The following ERC2 variants were observed in gnomAD, a reference collection of about 807,000 sequenced individuals.
The protein encoded by ERC2 is ELKS/RAB6-interacting/CAST family member 2.
A neutral mutation model predicts 114.8 loss-of-function variants in ERC2; 42 were observed. The ratio of observed to expected loss-of-function variants is 0.37; its 90% confidence interval spans 0.29 to 0.47. The LOEUF is 0.47. Among genes scored for constraint, ERC2 ranks in the 20% least tolerant of loss-of-function variants. The pLI is 0.99. For synonymous variants in ERC2, 454 were observed against 425.5 expected, an observed-to-expected ratio of 1.07 and a Z score of -0.82; for missense variants, 939 against 1,150.7, an observed-to-expected ratio of 0.82 and a Z score of 2.66.
chr3:56,368,588 C>T (rs970705082), intron 2 of ERC2, among the ~76,000 whole-genome samples: 4 of 152,170 alleles, frequency 2.6e-5, no homozygotes, highest in African/African-American at 9.7e-5. Flanking sequence ...GCAATCCACT[C>T]CCTCAAGGAC....
intron 2 of ERC2, among the ~76,000 whole-genome samples, chr3:56,329,140 T>A (rs1386613072): frequency 2.0e-5 from 3 of 152,164 alleles, no homozygotes; most frequent in Non-Finnish European, 4.4e-5. Context: ...AAAAGCAAAA[T>A]CTTTTGCAAA....
At chr3:56,288,953 C>T (rs1340282302) in intron 3 of ERC2, among the ~76,000 whole-genome samples, 1 of 152,176 alleles carries the variant, frequency 6.6e-6, no homozygotes, top group Admixed American at 6.5e-5. Context: ...AGAATGCTCA[C>T]GGCCTTGGGG....
At chr3:56,319,862 C>A (rs961526981) in intron 2 of ERC2, among the ~76,000 whole-genome samples, 5 of 152,068 alleles carry the variant, frequency 3.3e-5, no homozygotes, top group Non-Finnish European at 7.4e-5. Flanking sequence ...GTCCCTCAAT[C>A]CAGACCACAC....
intron 3 of ERC2, among the ~76,000 whole-genome samples, chr3:56,283,649 C>T (rs1313902180): frequency 6.6e-6 from 1 of 152,122 alleles, no homozygotes; most frequent in Non-Finnish European, 1.5e-5. Context: ...GATCATTTGT[C>T]TAAACCAGGA....
At chr3:56,438,918 A>C (rs2062156130) in intron 1 of ERC2, among the ~76,000 whole-genome samples, 1 of 152,224 alleles carries the variant, frequency 6.6e-6, no homozygotes, top group Admixed American at 6.5e-5. Flanking sequence ...TATAACATAC[A>C]ACATGAAAAG....
intron 7 of ERC2, among the ~76,000 whole-genome samples, chr3:56,026,521 T>TGAG (rs369642609): frequency 1.3e-5 from 2 of 152,078 alleles, no homozygotes; most frequent in Non-Finnish European, 2.9e-5. Context: ...AGTGTCATGA[T>TGAG]GAGGAGGAGG....
At position 55,699,392 on chromosome 3, in the gene ERC2, G is replaced by T; in HGVS notation, c.2833C>A (p.Pro945Thr). The change falls in exon 16 of 18, where the codon CCC (proline) becomes ACC (threonine). Residue 945 changes from proline to threonine, a missense_variant. Physicochemically the swap from Pro to Thr is conservative, Grantham distance 38. Transcript: ENST00000288221. ...ATGAAACTGACCTGGTCCGGAGAGG[G>T]CCTGTGATTGGAATGTTGCGACCTC... Reference protein sequence around the residue: ...PGRSQHSNHRPSPDQDDEEGI... With the variant: ...PGRSQHSNHRTSPDQDDEEGI... The T allele has an allele frequency of 6.2e-7, 1 of 1,613,800 alleles. No individual in the cohort carries two copies. The highest frequency in any genetic ancestry group is 8.5e-7 in the Non-Finnish European group (1 of 1,179,820).
rs144482755 is a variant in ERC2 at position 55,737,647 on chromosome 3, G to A, written c.2565-2729C>T. On this transcript the variant is annotated intron_variant, in intron 14 of 17. Coordinates refer to ENST00000288221, the MANE Select transcript of ERC2 (RefSeq NM_015576.3). Reference sequence around the variant, plus strand: ...GGTAAATTGACTACACCTCTACAACGGCATCTTTACAGACATATGCAGGTA... The same window carrying A: ...GGTAAATTGACTACACCTCTACAACAGCATCTTTACAGACATATGCAGGTA... Among the ~76,000 whole-genome samples, 496 of 152,124 alleles carry A rather than the reference G, an allele frequency of 3.3e-3. 2 individuals carry two copies. Among genetic ancestry groups the A allele is most frequent in the African/African-American group, 0.011 (476 of 41,498 alleles).
chr3:56,365,916 G>A (rs2059132505), intron 2 of ERC2, among the ~76,000 whole-genome samples: 1 of 152,154 alleles, frequency 6.6e-6, no homozygotes, highest in Non-Finnish European at 1.5e-5. Context: ...GGTTAGATTA[G>A]ATTGGAGTTC....
At chr3:55,606,477 A>G (rs2058646802) in intron 17 of ERC2, 1 of 152,214 alleles carries the variant, frequency 6.6e-6, no homozygotes, top group Admixed American at 6.5e-5. Context: ...AGTAGCAACC[A>G]ATGACCAACC....
intron 13 of ERC2, among the ~76,000 whole-genome samples, chr3:55,895,818 A>G (rs1209499615): frequency 6.6e-6 from 1 of 152,130 alleles, no homozygotes; most frequent in African/African-American, 2.4e-5. Flanking sequence ...TTCCTACCCC[A>G]TAAATCAGTG....
chr3:56,434,889 G>C lies in ERC2; in HGVS notation c.119C>G (p.Thr40Arg), dbSNP rs934386198. The C allele has an allele frequency of 1.2e-6, 2 of 1,613,826 alleles. No individual in the cohort carries two copies. Among genetic ancestry groups the C allele is most frequent in the South Asian group, 1.1e-5 (1 of 91,050 alleles). The change falls in exon 2 of 18, where the codon ACA becomes AGA. Residue 40 changes from threonine (T) to arginine (R), a missense_variant. Thr to Arg is a moderately conservative substitution (Grantham distance 71). Around this residue, in one of 5 missense-constraint regions of ERC2, gnomAD observed 281 missense variants for 307.4 expected, o/e 0.91. Coordinates refer to ENST00000288221, the MANE Select transcript of ERC2 (RefSeq NM_015576.3). ...RRTSSGGGGG[T>R]GKTLSMENIQ... Reference sequence around the variant, plus strand: ...ATTCTCCATAGACAGAGTCTTGCCTGTTCCTCCACCTCCCCCACTACTTGT... The same window carrying C: ...ATTCTCCATAGACAGAGTCTTGCCTCTTCCTCCACCTCCCCCACTACTTGT...
chr3:55,937,540 T>C (rs1376405623), intron 13 of ERC2, among the ~76,000 whole-genome samples: 1 of 152,088 alleles, frequency 6.6e-6, no homozygotes, highest in African/African-American at 2.4e-5. Context: ...GAGGGGAAGA[T>C]AAGGTGCAGG....
intron 4 of ERC2, among the ~76,000 whole-genome samples, chr3:56,152,069 T>C (rs2081441047): frequency 6.6e-6 from 1 of 152,152 alleles, no homozygotes; most frequent in Non-Finnish European, 1.5e-5. Flanking sequence ...GGGCCTTCCT[T>C]AGAGACGGGG....
At chr3:55,610,078 A>T (rs1386898938) in intron 17 of ERC2, among the ~76,000 whole-genome samples, 4 of 151,872 alleles carry the variant, frequency 2.6e-5, no homozygotes, top group African/African-American at 9.6e-5. Context: ...AAAAAAAAAA[A>T]AAAAAACAAG....
At chr3:56,310,158 T>C (rs2056457850) in intron 2 of ERC2, among the ~76,000 whole-genome samples, 1 of 152,216 alleles carries the variant, frequency 6.6e-6, no homozygotes. Context: ...TAAAGGATAA[T>C]GGCATGCCCT....
intron 2 of ERC2, among the ~76,000 whole-genome samples, chr3:56,415,275 TAGAC>T (rs1420616740): frequency 1.3e-5 from 2 of 152,210 alleles, no homozygotes; most frequent in African/African-American, 4.8e-5. Flanking sequence ...GATGGATAGA[TAGAC>T]AGATGGGTAC....
intron 16 of ERC2, among the ~76,000 whole-genome samples, chr3:55,688,723 C>G (rs2062468016): frequency 6.6e-6 from 1 of 152,158 alleles, no homozygotes; most frequent in East Asian, 1.9e-4. Flanking sequence ...TTTAAGATCT[C>G]TGAGGGGAAA....
intron 17 of ERC2, among the ~76,000 whole-genome samples, chr3:55,624,481 G>C (rs913517376): frequency 1.3e-5 from 2 of 152,184 alleles, no homozygotes; most frequent in African/African-American, 2.4e-5. Context: ...AACCACCCCA[G>C]ACTGGTGCTG....
Sources: allele counts gnomAD v4.1 joint callset (sites outside exome capture counted in the v4.1 genomes callset), GRCh38; gene constraint gnomAD v4.1.1; regional missense constraint gnomAD v4.1.1; transcripts MANE v1.5; gene names NCBI Gene and HGNC (gene_info 2026-07-23, HGNC 2026-07-21).